Variants in LARP1 observed in about 807,000 individuals in gnomAD.
The protein encoded by LARP1 is La ribonucleoprotein 1, translational regulator, also known as la-related protein 1.
In LARP1, 36 loss-of-function variants were observed where a neutral mutation model predicts 122.7. The ratio of observed to expected loss-of-function variants is 0.29; its 90% confidence interval spans 0.22 to 0.39. The LOEUF is 0.39. LARP1 is among the 10% of genes least tolerant of loss of function. LARP1 has a pLI of 1.00. For synonymous variants in LARP1, 539 were observed against 528.7 expected (o/e 1.02, Z -0.27); for missense variants, 1,040 against 1,403.6 (o/e 0.74, Z 4.14).
At chr5:154,704,565 T>C (rs13161993) in intron 1 of LARP1, among the ~76,000 whole-genome samples, 13,543 of 149,830 alleles carry the variant, frequency 0.09, 791 homozygotes, top group East Asian at 0.25. Flanking sequence ...GAGAATTTCT[T>C]GAACCTGGGA....
intron 1 of LARP1, among the ~76,000 whole-genome samples, chr5:154,780,021 TAGC>T (rs1486549350): frequency 5.3e-5 from 8 of 152,092 alleles, no homozygotes; most frequent in African/African-American, 1.9e-4. Flanking sequence ...AGAGGCAAAT[TAGC>T]AGCTCCTGGG....
intron 1 of LARP1, among the ~76,000 whole-genome samples, chr5:154,739,651 A>T (rs1757112473): frequency 6.6e-6 from 1 of 150,390 alleles, no homozygotes; most frequent in African/African-American, 2.5e-5. Flanking sequence ...CTCCTACCTC[A>T]GCCTCTCAAA....
chr5:154,783,384 G>A (rs975302965), intron 1 of LARP1, among the ~76,000 whole-genome samples: 3 of 152,122 alleles, frequency 2.0e-5, no homozygotes, highest in Admixed American at 6.6e-5. Flanking sequence ...TCCAACCACC[G>A]AGGTGCCACT....
At chr5:154,731,233 GA>G (rs968199453) in intron 1 of LARP1, among the ~76,000 whole-genome samples, 1 of 151,642 alleles carries the variant, frequency 6.6e-6, no homozygotes, top group African/African-American at 2.4e-5. Context: ...GATACTAGAA[GA>G]AAAAAAAGAG....
chr5:154,702,372 A>G (rs1366711604), intron 1 of LARP1, among the ~76,000 whole-genome samples: 1 of 152,076 alleles, frequency 6.6e-6, no homozygotes, highest in Non-Finnish European at 1.5e-5. Context: ...CCTGGCCAAC[A>G]TGGTGAAACC....
At chr5:154,772,243 G>A (rs1203144361) in intron 1 of LARP1, among the ~76,000 whole-genome samples, 1 of 152,158 alleles carries the variant, frequency 6.6e-6, no homozygotes, top group Non-Finnish European at 1.5e-5. Context: ...TTAACATAAT[G>A]TAAAAATAAT....
chr5:154,792,915 C>G, intron 4 of LARP1, 119 bp downstream of exon 4: 1 of 909,598 alleles, frequency 1.1e-6, no homozygotes, highest in Non-Finnish European at 1.7e-6. Flanking sequence ...AATGGGGAAA[C>G]TGATGGATGT....
At chr5:154,809,828 A>C (rs182545081) in intron 16 of LARP1, among the ~76,000 whole-genome samples, 164 of 149,474 alleles carry the variant, frequency 1.1e-3, no homozygotes, top group African/African-American at 3.9e-3. Context: ...GCCTCAGCCT[A>C]CCGAGTAGCT....
At chr5:154,721,678 T>G (rs1280130930) in intron 1 of LARP1, among the ~76,000 whole-genome samples, 1 of 152,212 alleles carries the variant, frequency 6.6e-6, no homozygotes, top group Non-Finnish European at 1.5e-5. Flanking sequence ...CTGCTAAGGT[T>G]TCTCATTTGC....
chr5:154,741,892 C>A (rs1407393188), intron 1 of LARP1, among the ~76,000 whole-genome samples: 1 of 152,190 alleles, frequency 6.6e-6, no homozygotes, highest in Non-Finnish European at 1.5e-5. Context: ...ACAAAAAACA[C>A]ACCAGGCAAT....
chr5:154,715,448 G>T (rs1452099714), intron 1 of LARP1, among the ~76,000 whole-genome samples: 1 of 151,784 alleles, frequency 6.6e-6, no homozygotes, highest in Non-Finnish European at 1.5e-5. Flanking sequence ...ATTTTTAGTA[G>T]GTCAGGCTGC....
intron 1 of LARP1, among the ~76,000 whole-genome samples, chr5:154,785,621 T>C (rs1164478595): frequency 6.6e-6 from 1 of 152,102 alleles, no homozygotes; most frequent in East Asian, 1.9e-4. Flanking sequence ...CCTAAGTCCA[T>C]CCCATAGCAA....
chr5:154,814,060 A>G lies in LARP1; in HGVS notation c.3255A>G (p.Thr1085=), dbSNP rs150694854. Residue 1085 remains threonine, a synonymous_variant, in exon 19 of 19, where the codon ACA becomes ACG. Transcript: ENST00000518297. The part of the protein sequence containing the change: ...GQPVREDAKW[T]SQHSNTQTLG... ...CTGTCCGGGAAGATGCCAAATGGAC[A>G]AGCCAGCACTCGAACACACAGACTT... The G allele has an allele frequency of 1.3e-5, 21 of 1,614,016 alleles. No homozygotes were observed. The African/African-American group carries it at 2.0e-4, about 15-fold the overall frequency.
chr5:154,755,335 G>T (rs1365393495), upstream of LARP1, among the ~76,000 whole-genome samples: 1 of 150,044 alleles, frequency 6.7e-6, no homozygotes, highest in Non-Finnish European at 1.5e-5. Flanking sequence ...GCCTGCCGCG[G>T]ATCGCGTGGT....
chr5:154,745,969 T>C (rs1316498041), intron 1 of LARP1, among the ~76,000 whole-genome samples: 1 of 152,090 alleles, frequency 6.6e-6, no homozygotes, highest in Admixed American at 6.5e-5. Flanking sequence ...TTAACTTTTG[T>C]ATTTTTAGTA....
Position 154,808,551 on chromosome 5 carries a change from A to T in LARP1, c.2791A>T (p.Met931Leu). Residue 931 changes from methionine (M) to leucine (L), a missense_variant, in exon 16 of 19, where the codon ATG (methionine) becomes TTG (leucine). Coordinates refer to ENST00000518297, the MANE Select transcript of LARP1 (RefSeq NM_033551.3). ...CCTCCGAGATCACTTCAACAAAAAG[A>T]TGTATGAGGAGTTCAAGCAGCTGGC... ...FFLRDHFNKK[M>L]YEEFKQLALE... 6.2e-7 allele frequency: 1 copy of T among 1,613,714 alleles called. No homozygotes were observed. Among genetic ancestry groups the T allele is most frequent in the Non-Finnish European group, 8.5e-7 (1 of 1,179,912 alleles).
intron 1 of LARP1, chr5:154,729,360 ATACTG>A (rs1756418642): frequency 3.4e-6 from 1 of 291,864 alleles, no homozygotes; most frequent in South Asian, 4.0e-5. Context: ...GAGAGAATGG[ATACTG>A]TTCAAAAAGG....
At chr5:154,799,844 G>C (rs1197529825) in intron 9 of LARP1, 29 bp from the exon 10 acceptor site, 1 of 1,611,464 alleles carries the variant, frequency 6.2e-7, no homozygotes, top group East Asian at 2.2e-5. Context: ...GGACTGGAGG[G>C]ATGAGGACTT....
intron 1 of LARP1, among the ~76,000 whole-genome samples, chr5:154,725,958 G>A (rs1304503113): frequency 3.3e-5 from 5 of 152,024 alleles, no homozygotes; most frequent in African/African-American, 9.6e-5. Flanking sequence ...GTCCTGCCTC[G>A]GCCTCTTGAG....
Sources: gnomAD v4.1 joint callset for allele counts (sites outside exome capture counted in the v4.1 genomes callset) on GRCh38, gnomAD v4.1.1 for gene constraint, MANE v1.5 for transcripts, NCBI Gene and HGNC (gene_info 2026-07-23, HGNC 2026-07-21) for gene names.